LRP1B: variants seen among roughly 807,000 people sequenced by gnomAD.
LRP1B encodes the protein low-density lipoprotein receptor-related protein 1B.
A neutral mutation model predicts 556.6 loss-of-function variants in LRP1B; 217 were observed. That is an observed-to-expected ratio of 0.39 (90% CI 0.35 to 0.44). The LOEUF (loss-of-function observed/expected upper bound fraction) is 0.44, where lower values mean the gene tolerates loss of function less well. Ranked by LOEUF, LRP1B falls within the 20% of genes least tolerant of loss-of-function variation. The pLI is 1.00. For synonymous variants in LRP1B, 2,047 were observed against 1,865.8 expected, an observed-to-expected ratio of 1.10 and a Z score of -2.50; for missense variants, 5,053 against 5,620.8, an observed-to-expected ratio of 0.90 and a Z score of 3.23.
chr2:141,156,072 T>C (rs1702057768), intron 7 of LRP1B, among the ~76,000 whole-genome samples: 2 of 152,150 alleles, frequency 1.3e-5, no homozygotes, highest in African/African-American at 4.8e-5. Context: ...TTACCATAGC[T>C]GATAAAACTG....
intron 3 of LRP1B, among the ~76,000 whole-genome samples, chr2:141,415,349 A>G (rs1308651663): frequency 6.6e-6 from 1 of 151,844 alleles, no homozygotes; most frequent in African/African-American, 2.4e-5. Context: ...CTTTTCTCAC[A>G]TGCCCCTTAT....
chr2:141,245,704 A>G (rs541345905), intron 5 of LRP1B, among the ~76,000 whole-genome samples: 1 of 152,294 alleles, frequency 6.6e-6, no homozygotes, highest in South Asian at 2.1e-4. Flanking sequence ...CCAATCAACA[A>G]TACTTACTGA....
intron 41 of LRP1B, among the ~76,000 whole-genome samples, chr2:140,675,124 A>G (rs1685627078): frequency 6.6e-6 from 1 of 152,204 alleles, no homozygotes; most frequent in Non-Finnish European, 1.5e-5. Context: ...TCCTTGTTAT[A>G]GGAAACTTGT....
At chr2:141,361,571 G>A (rs16845930) in intron 3 of LRP1B, among the ~76,000 whole-genome samples, 9,512 of 152,086 alleles carry the variant, frequency 0.063, 410 homozygotes, top group African/African-American at 0.11. Context: ...AACATATCTC[G>A]ATGTGTCTCA....
intron 41 of LRP1B, among the ~76,000 whole-genome samples, chr2:140,636,531 G>C (rs1267538047): frequency 6.6e-6 from 1 of 152,062 alleles, no homozygotes; most frequent in Non-Finnish European, 1.5e-5. Context: ...CATGGTGGAA[G>C]GTAGTAAAGT....
intron 41 of LRP1B, chr2:140,683,902 G>C (rs953817692): frequency 2.0e-6 from 1 of 502,032 alleles, no homozygotes; most frequent in Non-Finnish European, 3.6e-6. Context: ...GGTCCATGCC[G>C]GGCTGCCCGC....
intron 3 of LRP1B, among the ~76,000 whole-genome samples, chr2:141,366,000 C>T (rs951718121): frequency 3.3e-5 from 5 of 152,126 alleles, no homozygotes; most frequent in Non-Finnish European, 7.4e-5. Flanking sequence ...AAAATATATA[C>T]TAGTTAGCCC....
chr2:141,465,911 CAG>C lies in LRP1B; in HGVS notation c.343+14483_343+14484del, dbSNP rs759676875. Among the ~76,000 whole-genome samples, 5 of 150,690 alleles carry C rather than the reference CAG, an allele frequency of 3.3e-5. No individual in the cohort carries two copies. The East Asian group carries it at 5.9e-4, about 18-fold the overall frequency. The stretch of plus-strand genomic sequence containing the variant: ...ATTACTATTTTTATTTTTTTTGAGA[CAG>C]AGTTTCACTCTTTCACCCAGGCTGG... On this transcript the variant is annotated intron_variant, in intron 3 of 90. Transcript: ENST00000389484.
At chr2:140,692,095 G>A (rs1180345246) in intron 41 of LRP1B, among the ~76,000 whole-genome samples, 1 of 151,996 alleles carries the variant, frequency 6.6e-6, no homozygotes, top group Non-Finnish European at 1.5e-5. Context: ...TCAAAAATTA[G>A]TACAGGGAGT....
intron 2 of LRP1B, among the ~76,000 whole-genome samples, chr2:141,635,134 A>AAAAGAAAAG (rs1436805696): frequency 1.7e-5 from 2 of 119,616 alleles, no homozygotes; most frequent in Non-Finnish European, 3.6e-5. Context: ...TGCAAAAAAG[A>AAAAGAAAAG]AAAGAAAAGA....
At chr2:141,259,525 C>A (rs1290218582) in intron 3 of LRP1B, among the ~76,000 whole-genome samples, 1 of 152,208 alleles carries the variant, frequency 6.6e-6, no homozygotes. Context: ...CTTCTCCTCT[C>A]TGTACACTTG....
chr2:141,165,979 C>T (rs568953042), intron 7 of LRP1B, among the ~76,000 whole-genome samples: 1 of 152,052 alleles, frequency 6.6e-6, no homozygotes, highest in Admixed American at 6.6e-5. Context: ...ATGTCCCTTC[C>T]ATTTACACAG....
intron 18 of LRP1B, among the ~76,000 whole-genome samples, chr2:140,963,259 GA>G (rs71408479): frequency 0.53 from 79,581 of 148,858 alleles, 22,835 homozygotes; most frequent in Non-Finnish European, 0.64. Context: ...AATTTCAATT[GA>G]AAAAAAAAAC....
At chr2:140,759,159 C>T (rs1688835714) in intron 35 of LRP1B, among the ~76,000 whole-genome samples, 1 of 151,884 alleles carries the variant, frequency 6.6e-6, no homozygotes. Flanking sequence ...TGACTGTTGA[C>T]TGAGAAAATA....
At chr2:141,763,315 T>A (rs1229271947) in intron 2 of LRP1B, among the ~76,000 whole-genome samples, 1 of 152,152 alleles carries the variant, frequency 6.6e-6, no homozygotes, top group African/African-American at 2.4e-5. Flanking sequence ...TTGATTTAAA[T>A]GTTGATGTTG....
At chr2:141,223,144 T>C (rs1485388117) in intron 6 of LRP1B, among the ~76,000 whole-genome samples, 1 of 152,168 alleles carries the variant, frequency 6.6e-6, no homozygotes, top group Non-Finnish European at 1.5e-5. Flanking sequence ...AACCCCATTG[T>C]CTCATCCCAA....
At chr2:140,615,409 C>A (rs1372250) in intron 41 of LRP1B, among the ~76,000 whole-genome samples, 1 of 152,028 alleles carries the variant, frequency 6.6e-6, no homozygotes, top group East Asian at 1.9e-4. Flanking sequence ...GTAATAATAA[C>A]TTCTGTCTGA....
chr2:141,518,514 G>A (rs1468463924), intron 2 of LRP1B, among the ~76,000 whole-genome samples: 1 of 152,088 alleles, frequency 6.6e-6, no homozygotes, highest in African/African-American at 2.4e-5. Context: ...AAAATGTGTT[G>A]CTACAGAGAA....
intron 43 of LRP1B, among the ~76,000 whole-genome samples, chr2:140,594,386 T>C (rs908604235): frequency 6.6e-6 from 1 of 152,204 alleles, no homozygotes; most frequent in South Asian, 2.1e-4. Flanking sequence ...TTAAAAGCTT[T>C]AAGATGTAAT....
Sources: allele counts gnomAD v4.1 joint callset (sites outside exome capture counted in the v4.1 genomes callset), GRCh38; gene constraint gnomAD v4.1.1; transcripts MANE v1.5; gene names NCBI Gene and HGNC (gene_info 2026-07-23, HGNC 2026-07-21).